The following SNX7 variants were observed in gnomAD, a reference collection of about 807,000 sequenced individuals.
SNX7 encodes sorting nexin 7.
In SNX7, 35 loss-of-function variants were observed where a neutral mutation model predicts 48.4. That is an observed-to-expected ratio of 0.72 (90% confidence interval 0.55 to 0.96). The LOEUF (loss-of-function observed/expected upper bound fraction) is 0.96, where lower values mean the gene tolerates loss of function less well. Among genes scored for constraint, SNX7 ranks in the 40% least tolerant of loss-of-function variants. The pLI, the probability that SNX7 is intolerant of heterozygous loss-of-function variation, is 0.00. For synonymous variants in SNX7, 190 were observed against 190.2 expected (o/e 1.00, Z 0.01); for missense variants, 553 against 548.9 (o/e 1.01, Z -0.07).
At chr1:98,667,666 G>A (rs942940422) in intron 1 of SNX7, among the ~76,000 whole-genome samples, 16 of 152,012 alleles carry the variant, frequency 1.1e-4, no homozygotes, top group African/African-American at 3.6e-4. Context: ...GCAGGTGTGA[G>A]CCACCACACC....
chr1:98,680,744 C>G (rs1650442711), intron 1 of SNX7, among the ~76,000 whole-genome samples: 2 of 152,152 alleles, frequency 1.3e-5, no homozygotes, highest in Admixed American at 6.5e-5. Context: ...GCTCCAGTTC[C>G]CAACAAGTTC....
chr1:98,675,911 A>G (rs924411585), intron 1 of SNX7, among the ~76,000 whole-genome samples: 4 of 152,140 alleles, frequency 2.6e-5, no homozygotes, highest in African/African-American at 9.7e-5. Context: ...TTTTATCACT[A>G]CGGTTCTTAC....
chr1:98,693,316 A>G (rs562469366), intron 4 of SNX7, among the ~76,000 whole-genome samples: 2 of 152,304 alleles, frequency 1.3e-5, no homozygotes, highest in African/African-American at 4.8e-5. Context: ...CTTTTATTCT[A>G]TAAAGCTATA....
In SNX7 at chr1:98,758,065, A is replaced by G. The variant is rs150295320; in HGVS notation, c.1279-1989A>G. ...GGTTTCATGCTAAATCATAATTTCT[A>G]TTAGTTTGTGGGCTGTGTGCTAGCA... On this transcript the variant is annotated intron_variant, in intron 8 of 8. Transcript: ENST00000306121. 1.3e-4 allele frequency among the ~76,000 whole-genome samples: 20 copies of G among 152,128 alleles called. No homozygotes were observed. In the East Asian group the frequency reaches 2.1e-3, roughly 16 times the overall value.
intron 1 of SNX7, among the ~76,000 whole-genome samples, chr1:98,674,779 GT>G (rs1018758170): frequency 6.6e-6 from 1 of 152,140 alleles, no homozygotes; most frequent in Non-Finnish European, 1.5e-5. Context: ...TATTTAAGTG[GT>G]TTTTCTGACA....
At chr1:98,701,284 T>C (rs1570539180) in intron 6 of SNX7, among the ~76,000 whole-genome samples, 1 of 152,176 alleles carries the variant, frequency 6.6e-6, no homozygotes, top group East Asian at 1.9e-4. Flanking sequence ...GAATATTTTA[T>C]ATTTTGAGCT....
intron 1 of SNX7, among the ~76,000 whole-genome samples, chr1:98,683,887 T>G (rs920637268): frequency 5.3e-5 from 8 of 152,198 alleles, no homozygotes; most frequent in Admixed American, 3.3e-4. Context: ...CCTATCCTAC[T>G]GGATGCCCTC....
chr1:98,692,985 G>GT (rs1651229613), intron 4 of SNX7, among the ~76,000 whole-genome samples: 2 of 151,758 alleles, frequency 1.3e-5, no homozygotes, highest in Admixed American at 1.3e-4. Context: ...TGGTTTGTGA[G>GT]GTTTTTTTAG....
intron 7 of SNX7, among the ~76,000 whole-genome samples, chr1:98,728,399 T>C (rs1653307048): frequency 6.6e-6 from 1 of 151,140 alleles, no homozygotes. Flanking sequence ...CTAAAGTCTA[T>C]AAAATAACCA....
chr1:98,667,913 A>C (rs1481673744), intron 1 of SNX7, among the ~76,000 whole-genome samples: 1 of 151,672 alleles, frequency 6.6e-6, no homozygotes, highest in Non-Finnish European at 1.5e-5. Context: ...GATTAGGAAA[A>C]AAAAAACAAA....
intron 1 of SNX7, chr1:98,662,836 T>TA: frequency 7.8e-7 from 1 of 1,288,960 alleles, no homozygotes; most frequent in South Asian, 1.2e-5. Flanking sequence ...ACGACCTACT[T>TA]AACCACCGCA....
chr1:98,760,335 T>C lies in SNX7; in HGVS notation c.*204T>C, dbSNP rs561539364. On this transcript the variant is annotated 3_prime_UTR_variant, in exon 9 of 9. Transcript: ENST00000306121. ...ATCTGTATGGATATATATCTATATG[T>C]ATATAGATATATAAATACAGAGAGA... is the stretch of plus-strand genomic sequence containing the variant. The C allele has an allele frequency of 7.2e-6, 3 of 418,394 alleles. No individual in the cohort carries two copies. The highest frequency in any genetic ancestry group is 1.3e-5 in the Non-Finnish European group (3 of 233,368). The allele number at this position is 418,394 out of a possible 1,614,324, so 25.9% of individuals were successfully genotyped here.
At chr1:98,711,175 C>T (rs1652284286) in intron 7 of SNX7, among the ~76,000 whole-genome samples, 1 of 152,046 alleles carries the variant, frequency 6.6e-6, no homozygotes, top group African/African-American at 2.4e-5. Flanking sequence ...CGCCACCACG[C>T]CCAGCTAATT....
intron 1 of SNX7, among the ~76,000 whole-genome samples, chr1:98,667,929 C>A (rs560944340): frequency 1.0e-4 from 15 of 149,648 alleles, no homozygotes; most frequent in African/African-American, 3.2e-4. Flanking sequence ...ACAAAAAAAA[C>A]AAAACAAACA....
At chr1:98,726,527 C>T (rs956577573) in intron 7 of SNX7, among the ~76,000 whole-genome samples, 3 of 152,168 alleles carry the variant, frequency 2.0e-5, no homozygotes, top group African/African-American at 4.8e-5. Flanking sequence ...ATAAAGATGT[C>T]ATTCAACTGA....
intron 7 of SNX7, among the ~76,000 whole-genome samples, chr1:98,723,290 TG>T (rs1652983078): frequency 6.6e-6 from 1 of 152,024 alleles, no homozygotes; most frequent in South Asian, 2.1e-4. Context: ...ATAGATGATT[TG>T]TTTTAGATAC....
Position 98,723,816 on chromosome 1 carries a change from G to T in SNX7, c.1126-14421G>T, listed in dbSNP as rs534317135. Among the ~76,000 whole-genome samples the T allele has an allele frequency of 4.6e-5, 7 of 151,866 alleles. No individual in the cohort carries two copies. In the South Asian group the frequency reaches 8.3e-4, roughly 18 times the overall value. The stretch of plus-strand genomic sequence containing the variant: ...GCAGAGGTTGCGCTGAACTGAGATC[G>T]CATGACTGCACTCCAGCCTGGGTGA... On this transcript the variant is annotated intron_variant, in intron 7 of 8. Transcript: ENST00000306121.
chr1:98,682,900 A>G (rs1158055418), intron 1 of SNX7, among the ~76,000 whole-genome samples: 1 of 152,158 alleles, frequency 6.6e-6, no homozygotes, highest in East Asian at 1.9e-4. Flanking sequence ...AATTTAAAAA[A>G]TCTTCTCATT....
chr1:98,751,579 T>C (rs1216784071), intron 8 of SNX7, among the ~76,000 whole-genome samples: 1 of 152,062 alleles, frequency 6.6e-6, no homozygotes, highest in Non-Finnish European at 1.5e-5. Flanking sequence ...GGGGGAAATG[T>C]GTACTGGATT....
Sources: gnomAD v4.1 joint callset for allele counts (sites outside exome capture counted in the v4.1 genomes callset) on GRCh38, gnomAD v4.1.1 for gene constraint, MANE v1.5 for transcripts, NCBI Gene and HGNC (gene_info 2026-07-23, HGNC 2026-07-21) for gene names.